The following PTPRD variants were observed in gnomAD, a reference collection of about 807,000 sequenced individuals.
PTPRD encodes protein tyrosine phosphatase receptor type D, also known as receptor-type tyrosine-protein phosphatase delta.
In PTPRD, 34 loss-of-function variants were observed where a neutral mutation model predicts 214.5. The ratio of observed to expected loss-of-function variants is 0.16; its 90% CI spans 0.12 to 0.21. The LOEUF is 0.21. Among genes scored for constraint, PTPRD ranks in the 10% least tolerant of loss-of-function variants. The pLI, the probability that PTPRD is intolerant of heterozygous loss-of-function variation, is 1.00. For missense variants in PTPRD, 2,545 were observed against 2,398.7 expected, an observed-to-expected ratio of 1.06 and a Z score of -1.27; for synonymous variants, 1,128 against 845.7, an observed-to-expected ratio of 1.33 and a Z score of -5.79.
chr9:8,561,692 A>G (rs535566453), intron 14 of PTPRD, among the ~76,000 whole-genome samples: 3 of 152,082 alleles, frequency 2.0e-5, no homozygotes, highest in African/African-American at 7.2e-5. Context: ...TCAGTGATAT[A>G]TAAATTCAAA....
At chr9:9,045,825 C>A (rs1031770794) in intron 10 of PTPRD, among the ~76,000 whole-genome samples, 1 of 152,094 alleles carries the variant, frequency 6.6e-6, no homozygotes, top group Non-Finnish European at 1.5e-5. Context: ...GTAAAAACTG[C>A]AAAATGCTTG....
At chr9:10,509,682 C>A (rs2784589) in intron 2 of PTPRD, among the ~76,000 whole-genome samples, 30,571 of 149,510 alleles carry the variant, frequency 0.2, 3,757 homozygotes, top group Admixed American at 0.35. Flanking sequence ...TGCACTCTTA[C>A]GATTGACTGT....
chr9:8,357,092 G>C (rs1180279440), intron 39 of PTPRD, among the ~76,000 whole-genome samples: 1 of 152,136 alleles, frequency 6.6e-6, no homozygotes, highest in African/African-American at 2.4e-5. Flanking sequence ...ACGCTACAAA[G>C]AACCTGAGAT....
chr9:10,488,455 C>T (rs1003684236), intron 2 of PTPRD, among the ~76,000 whole-genome samples: 3 of 151,960 alleles, frequency 2.0e-5, no homozygotes, highest in African/African-American at 7.2e-5. Flanking sequence ...TAATCATTCC[C>T]TGACTATGGC....
intron 2 of PTPRD, among the ~76,000 whole-genome samples, chr9:10,529,125 T>G (rs1265423701): frequency 6.6e-6 from 1 of 152,164 alleles, no homozygotes; most frequent in Non-Finnish European, 1.5e-5. Flanking sequence ...TTATTTTAGC[T>G]GATGCATTCA....
At chr9:10,056,739 G>A (rs2097657730) in intron 3 of PTPRD, among the ~76,000 whole-genome samples, 1 of 152,066 alleles carries the variant, frequency 6.6e-6, no homozygotes, top group African/African-American at 2.4e-5. Flanking sequence ...GTCATTGAAA[G>A]GAATTTAATG....
chr9:8,377,111 G>C (rs946661958), intron 37 of PTPRD, among the ~76,000 whole-genome samples: 3 of 152,094 alleles, frequency 2.0e-5, no homozygotes, highest in Non-Finnish European at 4.4e-5. Flanking sequence ...TACATGGTAA[G>C]ATAGTGTTAC....
chr9:10,320,575 T>C (rs918617043), intron 3 of PTPRD, among the ~76,000 whole-genome samples: 1 of 152,064 alleles, frequency 6.6e-6, no homozygotes, highest in Admixed American at 6.6e-5. Context: ...AATTCAATCC[T>C]ATAACCCAAA....
intron 9 of PTPRD, among the ~76,000 whole-genome samples, chr9:9,377,797 C>T (rs910972278): frequency 6.6e-6 from 1 of 152,028 alleles, no homozygotes; most frequent in Admixed American, 6.6e-5. Flanking sequence ...AGAGAAGTAC[C>T]ACAGTTGAGA....
chr9:8,772,604 C>A (rs915966636), intron 11 of PTPRD, among the ~76,000 whole-genome samples: 8 of 151,928 alleles, frequency 5.3e-5, no homozygotes, highest in African/African-American at 1.9e-4. Context: ...GACTACGCCA[C>A]TGCAATCCAG....
chr9:8,495,066 C>A (rs186918349), intron 26 of PTPRD, among the ~76,000 whole-genome samples: 2 of 152,286 alleles, frequency 1.3e-5, no homozygotes, highest in Admixed American at 1.3e-4. Context: ...ATTTCTAAAC[C>A]TTAAATAATT....
intron 7 of PTPRD, among the ~76,000 whole-genome samples, chr9:9,646,857 T>G (rs1466962857): frequency 6.6e-6 from 1 of 152,226 alleles, no homozygotes; most frequent in East Asian, 1.9e-4. Context: ...AAGTATATTG[T>G]AGTACAATAA....
At position 10,558,241 on chromosome 9, in the gene PTPRD, A is replaced by G. The variant is rs139870286; in HGVS notation, c.-600+54157T>C. ...TTAAGACTATGCTAATACACTCAAT[A>G]TATTGAAGTATCACCATTTATCTTA... On this transcript the variant is annotated intron_variant, in intron 2 of 45. Coordinates refer to ENST00000381196, the MANE Select transcript of PTPRD (RefSeq NM_002839.4). Among the ~76,000 whole-genome samples the G allele has an allele frequency of 9.3e-4, 142 of 152,302 alleles. 1 individual carries two copies. The highest frequency in any genetic ancestry group is 3.3e-3 in the African/African-American group (136 of 41,570).
intron 2 of PTPRD, among the ~76,000 whole-genome samples, chr9:10,505,568 C>A (rs12682884): frequency 0.011 from 1,724 of 151,916 alleles, 37 homozygotes; most frequent in African/African-American, 0.04. Context: ...TGTTAGGAAA[C>A]ATCGGATTGC....
At chr9:10,299,837 A>G (rs181272856) in intron 3 of PTPRD, among the ~76,000 whole-genome samples, 25 of 152,322 alleles carry the variant, frequency 1.6e-4, no homozygotes, top group African/African-American at 5.5e-4. Flanking sequence ...GCTATAATTT[A>G]TCTCTATCAC....
intron 5 of PTPRD, among the ~76,000 whole-genome samples, chr9:9,780,300 T>C (rs1224886414): frequency 1.3e-5 from 2 of 152,142 alleles, no homozygotes; most frequent in Non-Finnish European, 2.9e-5. Context: ...AAACTACCAC[T>C]GGGTGCTGTG....
intron 10 of PTPRD, among the ~76,000 whole-genome samples, chr9:9,115,251 G>A (rs985608500): frequency 6.6e-6 from 1 of 152,054 alleles, no homozygotes; most frequent in Non-Finnish European, 1.5e-5. Context: ...AATTGTAGAG[G>A]GTTTCATTTG....
chr9:10,417,659 T>C (rs948227729), intron 2 of PTPRD, among the ~76,000 whole-genome samples: 2 of 151,742 alleles, frequency 1.3e-5, no homozygotes, highest in Non-Finnish European at 2.9e-5. Context: ...ATGCATGTTA[T>C]TACTTAATAT....
intron 8 of PTPRD, among the ~76,000 whole-genome samples, chr9:9,528,788 G>T (rs76491533): frequency 0.032 from 4,830 of 150,716 alleles, 262 homozygotes; most frequent in African/African-American, 0.11. Flanking sequence ...CAAACCAGAA[G>T]ACAATGGAAA....
Sources: allele counts gnomAD v4.1 joint callset (sites outside exome capture counted in the v4.1 genomes callset), GRCh38; gene constraint gnomAD v4.1.1; transcripts MANE v1.5; gene names NCBI Gene and HGNC (gene_info 2026-07-23, HGNC 2026-07-21).